Variants in PIBF1 observed in about 807,000 individuals in gnomAD.
PIBF1 encodes the protein progesterone-induced-blocking factor 1.
A neutral mutation model predicts 112.5 loss-of-function variants in PIBF1; 90 were observed. The observed-to-expected ratio is 0.80, with a 90% CI of 0.67 to 0.95. The LOEUF (loss-of-function observed/expected upper bound fraction) is 0.95, where lower values mean the gene tolerates loss of function less well. PIBF1 is among the 40% of genes least tolerant of loss of function. The pLI is 0.00. For missense variants in PIBF1, 915 were observed against 852.3 expected, an observed-to-expected ratio of 1.07 and a Z score of -0.92; for synonymous variants, 301 against 288.6, an observed-to-expected ratio of 1.04 and a Z score of -0.44.
chr13:72,975,418 G>T (rs1198406972), intron 16 of PIBF1, among the ~76,000 whole-genome samples: 2 of 152,136 alleles, frequency 1.3e-5, no homozygotes, highest in Admixed American at 6.5e-5. Context: ...TCTGGGAGAG[G>T]TATACCAGAT....
At chr13:72,887,972 C>T (rs188066718) in intron 10 of PIBF1, among the ~76,000 whole-genome samples, 1 of 152,246 alleles carries the variant, frequency 6.6e-6, no homozygotes, top group African/African-American at 2.4e-5. Context: ...ATGCTTTTTC[C>T]GACCGTGTTG....
intron 10 of PIBF1, among the ~76,000 whole-genome samples, chr13:72,854,490 A>G (rs1290153982): frequency 6.6e-6 from 1 of 152,208 alleles, no homozygotes; most frequent in Non-Finnish European, 1.5e-5. Context: ...TTTCTGTCAC[A>G]ATAGATTAGT....
chr13:72,943,655 C>T (rs890072269), intron 14 of PIBF1, among the ~76,000 whole-genome samples: 35 of 152,114 alleles, frequency 2.3e-4, no homozygotes, highest in African/African-American at 8.0e-4. Context: ...TGTCATCTCC[C>T]CTCTTCCCAA....
At chr13:72,869,303 C>G (rs568906867) in intron 10 of PIBF1, among the ~76,000 whole-genome samples, 24 of 152,206 alleles carry the variant, frequency 1.6e-4, no homozygotes, top group Non-Finnish European at 2.2e-4. Flanking sequence ...ATGATGAGTT[C>G]ATGTCCTTTG....
chr13:72,804,683 T>G (rs1012670169), intron 5 of PIBF1, among the ~76,000 whole-genome samples: 14 of 152,194 alleles, frequency 9.2e-5, no homozygotes, highest in Non-Finnish European at 1.5e-4. Flanking sequence ...GAGACCCCCC[T>G]GTTTCTGCAG....
chr13:72,846,107 C>T (rs1402946276), intron 9 of PIBF1, among the ~76,000 whole-genome samples: 1 of 152,154 alleles, frequency 6.6e-6, no homozygotes, highest in African/African-American at 2.4e-5. Flanking sequence ...ACTTTTGCAG[C>T]TGCCTCCATG....
intron 14 of PIBF1, among the ~76,000 whole-genome samples, chr13:72,931,608 A>G (rs1008054081): frequency 1.3e-5 from 2 of 151,088 alleles, no homozygotes; most frequent in African/African-American, 4.9e-5. Flanking sequence ...TTTGGTTTTT[A>G]CCTCTGTGTT....
rs1566370260 is a variant in PIBF1, at chr13:72,860,311, GTGT to G, written c.1322+6157_1322+6159del. 5.2e-3 allele frequency among the ~76,000 whole-genome samples: 103 copies of G among 19,836 alleles called. No individual in the cohort carries two copies. In the East Asian group the frequency reaches 0.069, roughly 13 times the overall value. 13.0% of individuals were successfully genotyped at this position (19,836 alleles called of 152,430 possible). ...GCTTTCCCTGTGTTTTTTTAGGGGTGTGTGTGTGTGTGTGTGTGTGTGTGTGTG... is the reference window on the plus strand; with the variant it reads ...GCTTTCCCTGTGTTTTTTTAGGGGTGGTGTGTGTGTGTGTGTGTGTGTGTG... On this transcript the variant is annotated intron_variant, in intron 10 of 17. Coordinates refer to ENST00000326291, the MANE Select transcript of PIBF1 (RefSeq NM_006346.4).
intron 11 of PIBF1, among the ~76,000 whole-genome samples, chr13:72,896,597 G>GA (rs923154570): frequency 5.3e-5 from 8 of 151,742 alleles, no homozygotes; most frequent in South Asian, 2.1e-4. Flanking sequence ...ATAGCTAAAA[G>GA]AAAAAAAATC....
At chr13:72,832,191 G>T (rs898081557) in intron 8 of PIBF1, among the ~76,000 whole-genome samples, 5 of 145,498 alleles carry the variant, frequency 3.4e-5, no homozygotes, top group African/African-American at 1.3e-4. Flanking sequence ...CCTGAATACA[G>T]CACACTCATG....
chr13:72,994,091 C>T (rs868287814), intron 16 of PIBF1, among the ~76,000 whole-genome samples: 1 of 146,828 alleles, frequency 6.8e-6, no homozygotes, highest in South Asian at 2.2e-4. Flanking sequence ...ACAGCCTGAG[C>T]AACAGAGCAA....
intron 9 of PIBF1, among the ~76,000 whole-genome samples, chr13:72,845,795 G>A (rs1566350137): frequency 6.6e-6 from 1 of 152,070 alleles, no homozygotes; most frequent in East Asian, 1.9e-4. Flanking sequence ...CCACATAAAT[G>A]TCTTCTTTTG....
chr13:72,925,983 TG>T (rs1301706140), intron 13 of PIBF1, among the ~76,000 whole-genome samples: 1 of 152,212 alleles, frequency 6.6e-6, no homozygotes, highest in Admixed American at 6.5e-5. Context: ...TTTGCTGCCC[TG>T]AGAATCTTTT....
intron 16 of PIBF1, among the ~76,000 whole-genome samples, chr13:72,976,149 G>A (rs1311521865): frequency 1.3e-5 from 2 of 152,120 alleles, no homozygotes; most frequent in Admixed American, 6.5e-5. Flanking sequence ...TGTAGTCCCA[G>A]GTACTCTGGA....
rs78900416 is a variant in PIBF1, at chr13:72,973,838, C to T, written c.2049+163C>T. 1.3e-4 allele frequency: 67 copies of T among 533,058 alleles called. 1 individual carries two copies. The highest frequency in any genetic ancestry group is 7.4e-4 in the South Asian group (24 of 32,644). 33.0% of individuals were successfully genotyped at this position (533,058 alleles called of 1,614,324 possible). ...TTTTTATTCAACTTTTGATATACTTCTTAGAGTTAATTCTTATTCCTAGAA... is the reference window on the plus strand; with the variant it reads ...TTTTTATTCAACTTTTGATATACTTTTTAGAGTTAATTCTTATTCCTAGAA... On this transcript the variant is annotated intron_variant, in intron 16 of 17. Coordinates refer to ENST00000326291, the MANE Select transcript of PIBF1 (RefSeq NM_006346.4).
chr13:72,896,278 C>T (rs757958446), intron 11 of PIBF1, among the ~76,000 whole-genome samples: 2 of 152,128 alleles, frequency 1.3e-5, no homozygotes, highest in African/African-American at 4.8e-5. Context: ...GGGAACACTT[C>T]GTGAGGAACA....
At chr13:72,804,949 A>G (rs1439272990) in intron 5 of PIBF1, among the ~76,000 whole-genome samples, 1 of 152,142 alleles carries the variant, frequency 6.6e-6, no homozygotes, top group Non-Finnish European at 1.5e-5. Flanking sequence ...TCCATGATAT[A>G]TAGCTGCAAC....
At position 72,827,735 on chromosome 13, in the gene PIBF1, A is replaced by G; in HGVS notation, c.918A>G (p.Val306=). The G allele has an allele frequency of 1.9e-6, 3 of 1,543,304 alleles. No individual in the cohort carries two copies. Among genetic ancestry groups the G allele is most frequent in the Non-Finnish European group, 2.6e-6 (3 of 1,141,698 alleles). ...TKERSELSKE[V]VTLEQTVTLL... is the part of the protein sequence containing the mutation. ...TTTTTGTTTCTACATGTATGTAGGTAGTCACCTTAGAGCAAACTGTTACTT... is the reference window on the plus strand; with the variant it reads ...TTTTTGTTTCTACATGTATGTAGGTGGTCACCTTAGAGCAAACTGTTACTT... Residue 306 remains valine (V), a splice_region_variant and synonymous_variant, in exon 8 of 18, where the codon GTA becomes GTG. Coordinates refer to ENST00000326291, the MANE Select transcript of PIBF1 (RefSeq NM_006346.4).
intron 6 of PIBF1, among the ~76,000 whole-genome samples, chr13:72,824,191 T>TA (rs1214897656): frequency 6.6e-6 from 1 of 151,136 alleles, no homozygotes; most frequent in Admixed American, 6.6e-5. Context: ...TTTTTTTTTT[T>TA]TTTTTTAAGT....
Sources: gnomAD v4.1 joint callset for allele counts (sites outside exome capture counted in the v4.1 genomes callset) on GRCh38, gnomAD v4.1.1 for gene constraint, MANE v1.5 for transcripts, NCBI Gene and HGNC (gene_info 2026-07-23, HGNC 2026-07-21) for gene names.